The following CFAP54 variants were observed in gnomAD, a reference collection of about 807,000 sequenced individuals.
CFAP54 encodes cilia- and flagella-associated protein 54.
CFAP54 carries 290 observed loss-of-function variants against 370.4 expected under a neutral mutation model. The observed-to-expected ratio is 0.78, with a 90% CI of 0.71 to 0.86. The LOEUF is 0.86. Ranked by LOEUF, CFAP54 falls within the 40% of genes least tolerant of loss-of-function variation. The pLI, the probability that CFAP54 is intolerant of heterozygous loss-of-function variation, is 0.00. For missense variants in CFAP54, 3,399 were observed against 3,528.7 expected (o/e 0.96, Z 0.93); for synonymous variants, 1,206 against 1,236.5 (o/e 0.98, Z 0.52).
Position 96,753,800 on chromosome 12 carries a change from GGT to G in CFAP54, c.7743_7744del (p.Trp2581CysfsTer8), listed in dbSNP as rs1208476765. 3.7e-6 allele frequency: 6 copies of G among 1,613,994 alleles called. No homozygotes were observed. The highest frequency in any genetic ancestry group is 5.1e-6 in the Non-Finnish European group (6 of 1,179,940). On this transcript the variant is annotated frameshift_variant, in exon 56 of 68. Coordinates refer to ENST00000524981, the MANE Select transcript of CFAP54 (RefSeq NM_001306084.2). LOFTEE classifies it high-confidence loss of function. ...AATAAAAGGAAGGACCCCTCGAAGT[GGT>G]TACCTGCTCTTCATCTGTTTGATGT...
At chr12:96,786,989 C>A in intron 62 of CFAP54, 91 bp downstream of exon 62, 1 of 965,898 alleles carries the variant, frequency 1.0e-6, no homozygotes, top group Non-Finnish European at 1.5e-6. Flanking sequence ...TCCATGCTGG[C>A]ACAGATTTCT....
At chr12:96,801,837 C>A (rs1029909370) in intron 63 of CFAP54, among the ~76,000 whole-genome samples, 9 of 152,170 alleles carry the variant, frequency 5.9e-5, no homozygotes, top group Admixed American at 5.9e-4. Flanking sequence ...CTGCTACAAA[C>A]GTTGTTGTGT....
chr12:96,629,364 C>T (rs1005240897), intron 30 of CFAP54, among the ~76,000 whole-genome samples: 13 of 151,848 alleles, frequency 8.6e-5, no homozygotes, highest in South Asian at 2.1e-4. Context: ...AGTGCAGTGG[C>T]GCGATCTTGG....
chr12:96,785,897 G>C (rs1317301334), intron 61 of CFAP54, among the ~76,000 whole-genome samples: 2 of 152,198 alleles, frequency 1.3e-5, no homozygotes, highest in African/African-American at 2.4e-5. Flanking sequence ...CTCTCGACGG[G>C]ACAGTTCTAC....
chr12:96,729,678 C>T (rs373832664), intron 50 of CFAP54, among the ~76,000 whole-genome samples: 25 of 152,328 alleles, frequency 1.6e-4, no homozygotes, highest in South Asian at 8.3e-4. Flanking sequence ...AGCTCGCGCA[C>T]GGCGCGCTGC....
At position 96,658,044 on chromosome 12, in the gene CFAP54, T is replaced by C. The variant is rs975156097; in HGVS notation, c.5263T>C (p.Tyr1755His). ...DFVLKSLEVL[Y>H]QVEKWETLVS... is the part of the protein sequence containing the mutation. Reference sequence around the variant, plus strand: ...TGTATTAAAATCTCTGGAAGTTTTATATCAAGTGGAAAAATGGGAAACACT... The same window carrying C: ...TGTATTAAAATCTCTGGAAGTTTTACATCAAGTGGAAAAATGGGAAACACT... Residue 1755 changes from tyrosine to histidine, a missense_variant, in exon 37 of 68, where the codon TAT becomes CAT. This residue lies in a region of CFAP54 where 2,796 missense variants were observed against 2,869.7 expected (regional missense o/e 0.97). Transcript: ENST00000524981. 1.2e-6 allele frequency: 2 copies of C among 1,613,962 alleles called. No homozygotes were observed. The highest frequency in any genetic ancestry group is 1.7e-6 in the Non-Finnish European group (2 of 1,179,958).
intron 19 of CFAP54, among the ~76,000 whole-genome samples, chr12:96,569,619 G>C (rs1466837127): frequency 6.6e-6 from 1 of 152,226 alleles, no homozygotes; most frequent in East Asian, 1.9e-4. Context: ...AGTACTATTT[G>C]TAGGAACCTA....
intron 1 of CFAP54, among the ~76,000 whole-genome samples, chr12:96,496,162 T>C (rs6538720): frequency 0.52 from 79,517 of 152,052 alleles, 21,256 homozygotes; most frequent in East Asian, 0.69. Context: ...TTAATCAGTT[T>C]GTGAAGGAGG....
chr12:96,552,311 C>T (rs1474128773), intron 15 of CFAP54, among the ~76,000 whole-genome samples: 2 of 147,490 alleles, frequency 1.4e-5, no homozygotes, highest in East Asian at 4.0e-4. Context: ...CAGACAAGTA[C>T]AATACATTGC....
rs1956155969 is a variant in CFAP54 at position 96,594,440 on chromosome 12, T to C, written c.3510T>C (p.Val1170=). The change falls in exon 25 of 68, where the codon GTT becomes GTC. Residue 1170 remains valine (V), a synonymous_variant. Coordinates refer to ENST00000524981, the MANE Select transcript of CFAP54 (RefSeq NM_001306084.2). ...IIYHNIVLVP[V]VQILIKCIVV... ...ATCACAATATTGTTTTGGTACCTGTTGTACAGGTAAGGGTATTCCTCTCCC... is the reference window on the plus strand; with the variant it reads ...ATCACAATATTGTTTTGGTACCTGTCGTACAGGTAAGGGTATTCCTCTCCC... 1 of 1,526,806 alleles carries C rather than the reference T, an allele frequency of 6.5e-7. No homozygotes were observed. The highest frequency in any genetic ancestry group is 2.4e-5 in the East Asian group (1 of 40,836). The allele number at this position is 1,526,806 out of a possible 1,614,324, so 94.6% of individuals were successfully genotyped here. A position where few individuals can be genotyped will look rare whatever the true frequency, so the allele number is the denominator to read the frequency against.
In CFAP54 at chr12:96,594,350, A is replaced by C. The variant is rs956826391; in HGVS notation, c.3420A>C (p.Leu1140=). ...TGGCATTGGAACTTAGCAACTTCCTAAATGATTCCAGCTATGCCCTTCAAG... is the reference window on the plus strand; with the variant it reads ...TGGCATTGGAACTTAGCAACTTCCTCAATGATTCCAGCTATGCCCTTCAAG... ...VLVALELSNF[L]NDSSYALQAV... is the part of the protein sequence containing the mutation. The change falls in exon 25 of 68, where the codon CTA becomes CTC. Residue 1140 remains leucine (L), a synonymous_variant. Coordinates refer to ENST00000524981, the MANE Select transcript of CFAP54 (RefSeq NM_001306084.2). The C allele has an allele frequency of 1.1e-5, 17 of 1,534,600 alleles. No individual in the cohort carries two copies. The highest frequency in any genetic ancestry group is 1.3e-5 in the Non-Finnish European group (15 of 1,145,814).
chr12:96,676,197 T>C (rs1304580359), intron 39 of CFAP54, among the ~76,000 whole-genome samples: 1 of 152,146 alleles, frequency 6.6e-6, no homozygotes, highest in African/African-American at 2.4e-5. Context: ...CAGGTTAAAA[T>C]AGTAACCCTC....
intron 34 of CFAP54, 76 bp downstream of exon 34, chr12:96,648,093 A>G (rs968705037): frequency 9.0e-7 from 1 of 1,107,264 alleles, no homozygotes; most frequent in African/African-American, 1.6e-5. Context: ...ACACATACAC[A>G]TTGTGGACAC....
chr12:96,857,273 T>TACC, intron 66 of CFAP54, among the ~76,000 whole-genome samples: 1 of 152,190 alleles, frequency 6.6e-6, no homozygotes, highest in African/African-American at 2.4e-5. Context: ...TTATCTTTTC[T>TACC]GTTCCTCTGC....
At chr12:96,640,747 A>G (rs1284838482) in intron 32 of CFAP54, among the ~76,000 whole-genome samples, 1 of 152,214 alleles carries the variant, frequency 6.6e-6, no homozygotes, top group Non-Finnish European at 1.5e-5. Flanking sequence ...AATGGAACAG[A>G]ACAGATCCCC....
In CFAP54 at chr12:96,621,642, G is replaced by C; in HGVS notation, c.3692G>C (p.Gly1231Ala). The C allele has an allele frequency of 2.6e-6, 4 of 1,522,082 alleles. No individual in the cohort carries two copies. Among genetic ancestry groups the C allele is most frequent in the Non-Finnish European group, 2.6e-6 (3 of 1,136,676 alleles). The allele number at this position is 1,522,082 out of a possible 1,614,324, so 94.3% of individuals were successfully genotyped here. Residue 1231 changes from glycine to alanine, a missense_variant, in exon 27 of 68, where the codon GGG (glycine) becomes GCG (alanine). By Grantham distance (60) the Gly-to-Ala change is moderately conservative. Coordinates refer to ENST00000524981, the MANE Select transcript of CFAP54 (RefSeq NM_001306084.2). ...YDLAVMIINY[G>A]KKMLDITPGC... ...CTGGCAGTAATGATTATAAATTATG[G>C]GAAAAAAATGTTGGACATCACACCA...
chr12:96,580,802 A>G (rs1956025605), intron 21 of CFAP54, 113 bp downstream of exon 21: 1 of 1,112,264 alleles, frequency 9.0e-7, no homozygotes, highest in East Asian at 2.8e-5. Context: ...AATCATAACT[A>G]AAATCCAACA....
chr12:96,721,880 C>T (rs911780630), intron 50 of CFAP54, among the ~76,000 whole-genome samples: 1 of 152,026 alleles, frequency 6.6e-6, no homozygotes, highest in Admixed American at 6.6e-5. Flanking sequence ...ATGATAAGTG[C>T]TATGGAGAAT....
In CFAP54 at chr12:96,540,901, T is replaced by C. The variant is rs996668631; in HGVS notation, c.1991T>C (p.Ile664Thr). 2 of 1,518,446 alleles carry C rather than the reference T, an allele frequency of 1.3e-6. No homozygotes were observed. The highest frequency in any genetic ancestry group is 2.5e-5 in the East Asian group (1 of 39,934). The allele number at this position is 1,518,446 out of a possible 1,614,324, so 94.1% of individuals were successfully genotyped here. A position where few individuals can be genotyped will look rare whatever the true frequency, so the allele number is the denominator to read the frequency against. The change falls in exon 14 of 68, where the codon ATT becomes ACT. Residue 664 changes from isoleucine to threonine, a missense_variant. Ile to Thr is a moderately conservative substitution (Grantham distance 89, BLOSUM62 -1). Transcript: ENST00000524981. ...TGCTATAAAATGGAAGACATTGACA[T>C]TGTGGTAGTGGCAGAAGTCACATTA... ...IHCYKMEDID[I>T]VVVAEVTLRL...
Sources: allele counts gnomAD v4.1 joint callset (sites outside exome capture counted in the v4.1 genomes callset), GRCh38; gene constraint gnomAD v4.1.1; regional missense constraint gnomAD v4.1.1; transcripts MANE v1.5; gene names NCBI Gene and HGNC (gene_info 2026-07-23, HGNC 2026-07-21).